The following ZMYND11 variants were observed in gnomAD, a reference collection of about 807,000 sequenced individuals.
ZMYND11 encodes the protein zinc finger MYND domain-containing protein 11.
A neutral mutation model predicts 84.9 loss-of-function variants in ZMYND11; 9 were observed. That is an observed-to-expected ratio of 0.11 (90% CI 0.06 to 0.18). ZMYND11 has a LOEUF of 0.18. Ranked by LOEUF, ZMYND11 falls within the 10% of genes least tolerant of loss-of-function variation. The pLI is 1.00. For synonymous variants in ZMYND11, 250 were observed against 244.1 expected, an observed-to-expected ratio of 1.02 and a Z score of -0.23; for missense variants, 409 against 761.0, an observed-to-expected ratio of 0.54 and a Z score of 5.44.
chr10:149,108 G>A (rs1839632436), intron 1 of ZMYND11, among the ~76,000 whole-genome samples: 2 of 151,884 alleles, frequency 1.3e-5, no homozygotes, highest in Non-Finnish European at 2.9e-5. Flanking sequence ...CTGACTCATG[G>A]CAAGTAATTG....
chr10:232,213 G>GT (rs1369345995), intron 4 of ZMYND11, among the ~76,000 whole-genome samples: 4 of 152,110 alleles, frequency 2.6e-5, no homozygotes, highest in Non-Finnish European at 4.4e-5. Flanking sequence ...AAATGTTTTG[G>GT]TCTGGCTGAC....
At position 238,128 on chromosome 10, in the gene ZMYND11, T is replaced by G. The variant is rs1950280290; in HGVS notation, c.609+451T>G. ...AATTATGATTAGAAAAGTTAATTATTCTTAAAGGTCTTAATTTTACCAACT... is the reference window on the plus strand; with the variant it reads ...AATTATGATTAGAAAAGTTAATTATGCTTAAAGGTCTTAATTTTACCAACT... On this transcript the variant is annotated intron_variant, in intron 6 of 14. Transcript: ENST00000381604. 2.0e-5 allele frequency among the ~76,000 whole-genome samples: 3 copies of G among 152,226 alleles called. No individual in the cohort carries two copies. The East Asian group carries it at 5.8e-4, about 29-fold the overall frequency.
At chr10:229,051 A>G (rs995932161) in intron 4 of ZMYND11, among the ~76,000 whole-genome samples, 3 of 152,180 alleles carry the variant, frequency 2.0e-5, no homozygotes, top group Admixed American at 1.3e-4. Context: ...TTTCATAGTT[A>G]CTAAGTCAGC....
chr10:168,481 C>G (rs1348845542), intron 1 of ZMYND11, among the ~76,000 whole-genome samples: 1 of 152,028 alleles, frequency 6.6e-6, no homozygotes, highest in Non-Finnish European at 1.5e-5. Context: ...AGGAATGTAT[C>G]ACATTTTGTT....
At chr10:234,591 A>G (rs1949602253) in intron 4 of ZMYND11, among the ~76,000 whole-genome samples, 2 of 152,204 alleles carry the variant, frequency 1.3e-5, no homozygotes, top group South Asian at 4.1e-4. Flanking sequence ...GTTTAGATAA[A>G]TTCATATTTT....
chr10:239,316 T>C (rs1314061491), intron 6 of ZMYND11, 122 bp from the exon 7 acceptor site: 3 of 738,742 alleles, frequency 4.1e-6, no homozygotes, highest in Non-Finnish European at 6.9e-6. Context: ...CTGTCAATAC[T>C]GTGGGATGGC....
chr10:204,624 A>G (rs1259146752), intron 2 of ZMYND11, among the ~76,000 whole-genome samples: 1 of 152,162 alleles, frequency 6.6e-6, no homozygotes, highest in Non-Finnish European at 1.5e-5. Flanking sequence ...CAGAGTGTTA[A>G]GGAAAAGTGA....
intron 1 of ZMYND11, among the ~76,000 whole-genome samples, chr10:150,570 G>T (rs914845439): frequency 1.3e-5 from 2 of 152,174 alleles, no homozygotes; most frequent in Non-Finnish European, 2.9e-5. Context: ...GGCTTGAGTA[G>T]GTAAACAAAG....
intron 2 of ZMYND11, among the ~76,000 whole-genome samples, chr10:186,664 A>T (rs1938597586): frequency 7.0e-6 from 1 of 141,878 alleles, no homozygotes; most frequent in Non-Finnish European, 1.5e-5. Flanking sequence ...AAAAAAAAAA[A>T]AAAAAAAAAA....
At chr10:183,071 C>T (rs115908433) in intron 2 of ZMYND11, among the ~76,000 whole-genome samples, 474 of 152,264 alleles carry the variant, frequency 3.1e-3, no homozygotes, top group African/African-American at 0.011. Context: ...AAAAGCTACA[C>T]GGTTTTTGTC....
intron 10 of ZMYND11, among the ~76,000 whole-genome samples, chr10:246,541 C>T (rs559400244): frequency 1.5e-4 from 23 of 152,226 alleles, no homozygotes; most frequent in African/African-American, 5.1e-4. Flanking sequence ...ATTTATTTTC[C>T]GCTTGGTAAC....
At chr10:145,250 A>G (rs1359339340) in intron 1 of ZMYND11, among the ~76,000 whole-genome samples, 2 of 151,140 alleles carry the variant, frequency 1.3e-5, no homozygotes, top group African/African-American at 4.9e-5. Context: ...GTGTATGTAT[A>G]TATATATATG....
intron 2 of ZMYND11, among the ~76,000 whole-genome samples, chr10:180,811 G>A (rs1304692331): frequency 1.3e-5 from 2 of 152,178 alleles, no homozygotes; most frequent in South Asian, 2.1e-4. Flanking sequence ...CATGGTATGT[G>A]TAGTAAGAAA....
chr10:134,625 GT>G (rs1835466624), upstream of ZMYND11: 1 of 152,188 alleles, frequency 6.6e-6, no homozygotes, highest in African/African-American at 2.4e-5. Flanking sequence ...CCTAAACAAT[GT>G]TGTTAAGAGA....
rs185344670 is a variant in ZMYND11, at chr10:199,154, T to G, written c.117-10735T>G. On this transcript the variant is annotated intron_variant, in intron 2 of 14. Coordinates refer to ENST00000381604, the MANE Select transcript of ZMYND11 (RefSeq NM_001370100.5). ...TAAATGAATTATTTTTTTAGTATTT[T>G]CTTTGGTTTTTCTAGTTTTCAATGG... Among the ~76,000 whole-genome samples the G allele has an allele frequency of 3.0e-3, 455 of 152,244 alleles. No individual in the cohort carries two copies. In the Middle Eastern group the frequency reaches 0.031, roughly 10 times the overall value.
intron 4 of ZMYND11, among the ~76,000 whole-genome samples, chr10:223,612 A>G (rs923326198): frequency 1.3e-5 from 2 of 152,096 alleles, no homozygotes; most frequent in African/African-American, 4.8e-5. Context: ...GAGGATGGAG[A>G]GTTTTATCTT....
At chr10:142,354 GTGT>G (rs1407200384) in intron 1 of ZMYND11, among the ~76,000 whole-genome samples, 1 of 152,146 alleles carries the variant, frequency 6.6e-6, no homozygotes, top group Non-Finnish European at 1.5e-5. Context: ...CGTTCTCAAA[GTGT>G]TAAGATTAGA....
At chr10:137,652 C>T (rs1836430196) in intron 1 of ZMYND11, among the ~76,000 whole-genome samples, 1 of 152,006 alleles carries the variant, frequency 6.6e-6, no homozygotes, top group African/African-American at 2.4e-5. Context: ...TAGGCAGGGT[C>T]ATCTTTGTAG....
intron 1 of ZMYND11, among the ~76,000 whole-genome samples, chr10:149,285 G>GTTGTTATTATTATTA (rs1442758095): frequency 7.2e-6 from 1 of 139,316 alleles, no homozygotes; most frequent in East Asian, 2.1e-4. Flanking sequence ...TGAGGTGGTT[G>GTTGTTATTATTATTA]TTATTATTAT....
Sources: allele counts gnomAD v4.1 joint callset (sites outside exome capture counted in the v4.1 genomes callset), GRCh38; gene constraint gnomAD v4.1.1; transcripts MANE v1.5; gene names NCBI Gene and HGNC (gene_info 2026-07-23, HGNC 2026-07-21).